The following DLEU7 variants were observed in gnomAD, a reference collection of about 807,000 sequenced individuals.
DLEU7 encodes leukemia-associated protein 7.
DLEU7 carries 17 observed loss-of-function variants against 16.0 expected under a neutral mutation model. That is an observed-to-expected ratio of 1.06 (90% CI 0.73 to 1.59). The LOEUF (loss-of-function observed/expected upper bound fraction) is 1.59. DLEU7 is among the 40% of genes most tolerant of loss of function. DLEU7 has a pLI of 0.00. For missense variants in DLEU7, 308 were observed against 314.9 expected, an observed-to-expected ratio of 0.98 and a Z score of 0.17; for synonymous variants, 113 against 139.8, an observed-to-expected ratio of 0.81 and a Z score of 1.35.
At chr13:50,738,557 G>C (rs1874150973) in intron 1 of DLEU7, among the ~76,000 whole-genome samples, 1 of 152,084 alleles carries the variant, frequency 6.6e-6, no homozygotes, top group African/African-American at 2.4e-5. Flanking sequence ...ATTGGAAAAA[G>C]TGTAATGACA....
intron 1 of DLEU7, among the ~76,000 whole-genome samples, chr13:50,747,706 C>T (rs1874442620): frequency 6.6e-6 from 1 of 152,062 alleles, no homozygotes; most frequent in Non-Finnish European, 1.5e-5. Context: ...CCACACTCCC[C>T]CAGCCTATCC....
chr13:50,794,598 A>G (rs1045536312), intron 1 of DLEU7, among the ~76,000 whole-genome samples: 2 of 152,160 alleles, frequency 1.3e-5, no homozygotes, highest in African/African-American at 4.8e-5. Context: ...CTGACTTGCT[A>G]CTTGTACTTG....
chr13:50,745,924 G>T (rs868313813), intron 1 of DLEU7, among the ~76,000 whole-genome samples: 3 of 152,274 alleles, frequency 2.0e-5, no homozygotes, highest in Middle Eastern at 3.4e-3. Context: ...AAATTTTTCA[G>T]ATGGAAACTG....
At chr13:50,826,260 ACAGACCAGTTCCTGTT>A (rs1472267780) in intron 1 of DLEU7, among the ~76,000 whole-genome samples, 3 of 152,160 alleles carry the variant, frequency 2.0e-5, no homozygotes, top group African/African-American at 7.2e-5. Context: ...CTAACAGGCC[ACAGACCAGTTCCTGTT>A]CATGGCCCAG....
At chr13:50,749,126 G>A (rs1026752460) in intron 1 of DLEU7, among the ~76,000 whole-genome samples, 2 of 149,112 alleles carry the variant, frequency 1.3e-5, no homozygotes, top group Admixed American at 1.3e-4. Flanking sequence ...ACATATCAGC[G>A]AGAGCATATG....
intron 1 of DLEU7, among the ~76,000 whole-genome samples, chr13:50,830,213 T>C (rs1164297798): frequency 1.3e-5 from 2 of 152,388 alleles, no homozygotes; most frequent in Non-Finnish European, 2.9e-5. Flanking sequence ...TCCAAATTGA[T>C]GGCCAGCATT....
chr13:50,779,403 T>C (rs545440122), intron 1 of DLEU7, among the ~76,000 whole-genome samples: 1 of 152,270 alleles, frequency 6.6e-6, no homozygotes, highest in Admixed American at 6.5e-5. Flanking sequence ...TTATTATTCC[T>C]TGGGAGGCCA....
chr13:50,770,894 G>A (rs1024612488), intron 1 of DLEU7, among the ~76,000 whole-genome samples: 18 of 152,148 alleles, frequency 1.2e-4, no homozygotes, highest in African/African-American at 4.3e-4. Context: ...AATCCGTCTG[G>A]TCCTGGACTT....
chr13:50,838,549 G>T (rs1877545306), intron 1 of DLEU7, among the ~76,000 whole-genome samples: 1 of 152,146 alleles, frequency 6.6e-6, no homozygotes, highest in Non-Finnish European at 1.5e-5. Flanking sequence ...CTCCCTTTGG[G>T]TGGCAAATGT....
At chr13:50,767,543 G>C (rs923913845) in intron 1 of DLEU7, among the ~76,000 whole-genome samples, 4 of 151,200 alleles carry the variant, frequency 2.6e-5, no homozygotes, top group Non-Finnish European at 5.9e-5. Flanking sequence ...TCAAGACTTA[G>C]TTCATGGGAC....
At chr13:50,772,248 G>A (rs1351038463) in intron 1 of DLEU7, among the ~76,000 whole-genome samples, 1 of 152,122 alleles carries the variant, frequency 6.6e-6, no homozygotes, top group East Asian at 1.9e-4. Flanking sequence ...TTTAATTGGA[G>A]CATTTAGCCC....
At chr13:50,840,820 A>T (rs1877633100) in intron 1 of DLEU7, among the ~76,000 whole-genome samples, 2 of 152,160 alleles carry the variant, frequency 1.3e-5, no homozygotes, top group South Asian at 4.1e-4. Context: ...TAGAAACAAA[A>T]ATGAAGATGA....
In DLEU7 at chr13:50,803,356, G is replaced by T. The variant is rs1876299359; in HGVS notation, c.459+39832C>A. Reference sequence around the variant, plus strand: ...AACTTGAAATTCTCTCAACTTTAGTGAATTAATAATGCTTTGCCCTTTTTT... The same window carrying T: ...AACTTGAAATTCTCTCAACTTTAGTTAATTAATAATGCTTTGCCCTTTTTT... On this transcript the variant is annotated intron_variant, in intron 1 of 1. Coordinates refer to the DLEU7 transcript ENST00000400393. 2.0e-5 allele frequency among the ~76,000 whole-genome samples: 3 copies of T among 152,092 alleles called. 1 individual carries two copies. The South Asian group carries it at 6.2e-4, about 31-fold the overall frequency.
At chr13:50,816,440 TGGAA>T (rs1255582996) in intron 1 of DLEU7, among the ~76,000 whole-genome samples, 1 of 151,988 alleles carries the variant, frequency 6.6e-6, no homozygotes, top group Admixed American at 6.6e-5. Flanking sequence ...ATATAAAAAA[TGGAA>T]GGAAAAGAAA....
At chr13:50,790,471 TAAG>T (rs1468892206) in intron 1 of DLEU7, among the ~76,000 whole-genome samples, 2 of 122,092 alleles carry the variant, frequency 1.6e-5, no homozygotes, top group African/African-American at 6.2e-5. Flanking sequence ...ACTCTCCGTT[TAAG>T]GAGACCCCCG....
chr13:50,713,970 A>C (rs563231118), intron 1 of DLEU7, among the ~76,000 whole-genome samples: 1 of 152,212 alleles, frequency 6.6e-6, no homozygotes, highest in South Asian at 2.1e-4. Flanking sequence ...CCTCATGAAG[A>C]CTGTCGGCTG....
At chr13:50,758,424 A>G (rs954296966) in intron 1 of DLEU7, among the ~76,000 whole-genome samples, 1 of 152,196 alleles carries the variant, frequency 6.6e-6, no homozygotes, top group Admixed American at 6.5e-5. Flanking sequence ...CCCCAAAGTG[A>G]GCAGTGTAAA....
chr13:50,790,212 C>T (rs537958682), intron 1 of DLEU7, among the ~76,000 whole-genome samples: 5 of 152,106 alleles, frequency 3.3e-5, no homozygotes, highest in African/African-American at 9.6e-5. Context: ...AGATTACAGG[C>T]GTGAGCCACC....
chr13:50,770,406 G>GT (rs1379640271), intron 1 of DLEU7, among the ~76,000 whole-genome samples: 1 of 152,074 alleles, frequency 6.6e-6, no homozygotes, highest in African/African-American at 2.4e-5. Flanking sequence ...TTGGCTGTGG[G>GT]TTTTTCATAA....
Sources: allele counts gnomAD v4.1 joint callset (sites outside exome capture counted in the v4.1 genomes callset), GRCh38; gene constraint gnomAD v4.1.1; transcripts MANE v1.5; gene names NCBI Gene and HGNC (gene_info 2026-07-23, HGNC 2026-07-21).